PTK2: variants seen among roughly 807,000 people sequenced by gnomAD.
PTK2 encodes the protein focal adhesion kinase 1.
A neutral mutation model predicts 150.1 loss-of-function variants in PTK2; 45 were observed. The observed-to-expected ratio is 0.30, with a 90% confidence interval of 0.24 to 0.38. The LOEUF (loss-of-function observed/expected upper bound fraction) is 0.38. PTK2 is among the 10% of genes least tolerant of loss of function. The pLI is 1.00. For missense variants in PTK2, 919 were observed against 1,307.3 expected (o/e 0.70, Z 4.58); for synonymous variants, 432 against 449.2 (o/e 0.96, Z 0.48).
intron 1 of PTK2, among the ~76,000 whole-genome samples, chr8:140,975,262 C>T (rs917547225): frequency 1.3e-5 from 2 of 152,132 alleles, no homozygotes; most frequent in African/African-American, 4.8e-5. Flanking sequence ...GATCTTGTGC[C>T]TCTAGTCCAG....
At chr8:140,961,093 C>G (rs1040870104) in intron 1 of PTK2, among the ~76,000 whole-genome samples, 1 of 152,156 alleles carries the variant, frequency 6.6e-6, no homozygotes, top group African/African-American at 2.4e-5. Context: ...TTCAAGAAAC[C>G]TGAATTCCAG....
At chr8:140,692,221 T>C (rs1255022484) in intron 26 of PTK2, among the ~76,000 whole-genome samples, 1 of 152,194 alleles carries the variant, frequency 6.6e-6, no homozygotes, top group Non-Finnish European at 1.5e-5. Flanking sequence ...AATAAATACT[T>C]GAGCTTTTTC....
intron 9 of PTK2, 88 bp from the exon 10 acceptor site, chr8:140,818,442 C>G: frequency 8.7e-7 from 1 of 1,151,700 alleles, no homozygotes; most frequent in South Asian, 1.3e-5. Flanking sequence ...GTTAAAGGAC[C>G]AAAGCAGGGG....
intron 2 of PTK2, among the ~76,000 whole-genome samples, chr8:140,896,764 C>A (rs959758887): frequency 4.9e-5 from 7 of 141,666 alleles, no homozygotes; most frequent in Admixed American, 2.1e-4. Flanking sequence ...GTACCATAGA[C>A]GCCCCCCCTT....
chr8:140,942,646 G>A (rs2100176252), intron 1 of PTK2, among the ~76,000 whole-genome samples: 1 of 57,814 alleles, frequency 1.7e-5, no homozygotes, highest in African/African-American at 3.6e-5. Flanking sequence ...GTGTGTGTGT[G>A]CGCGCATATA....
chr8:140,797,108 T>C lies in PTK2; in HGVS notation c.1093+3351A>G, dbSNP rs146707883. Among the ~76,000 whole-genome samples, 651 of 147,460 alleles carry C rather than the reference T, an allele frequency of 4.4e-3. 3 individuals are homozygous for C. The highest frequency in any genetic ancestry group is 0.016 in the African/African-American group (610 of 38,890). Reference sequence around the variant, plus strand: ...GTACTCCTAAACTGTCTTCTGAAAATGTACCAATTTACAATGACACAATCA... The same window carrying C: ...GTACTCCTAAACTGTCTTCTGAAAACGTACCAATTTACAATGACACAATCA... On this transcript the variant is annotated intron_variant, in intron 12 of 31. Coordinates refer to ENST00000522684, the Ensembl canonical transcript of PTK2.
At chr8:140,703,861 A>G (rs1005436595) in intron 24 of PTK2, among the ~76,000 whole-genome samples, 3 of 152,196 alleles carry the variant, frequency 2.0e-5, no homozygotes, top group African/African-American at 7.2e-5. Context: ...CTAGTGTTGT[A>G]TGGTGGGTGT....
intron 2 of PTK2, among the ~76,000 whole-genome samples, chr8:140,909,945 C>A (rs1256540035): frequency 1.3e-5 from 2 of 152,116 alleles, no homozygotes; most frequent in Middle Eastern, 3.4e-3. Flanking sequence ...ATCCAATAAC[C>A]AAATTAGACA....
intron 1 of PTK2, among the ~76,000 whole-genome samples, chr8:140,964,803 T>C (rs767737455): frequency 6.6e-6 from 1 of 152,148 alleles, no homozygotes; most frequent in Non-Finnish European, 1.5e-5. Context: ...TACAGAGATC[T>C]GCTATACATT....
At position 140,764,506 on chromosome 8, in the gene PTK2, C is replaced by G. The variant is rs558620545; in HGVS notation, c.1178-216G>C. On this transcript the variant is annotated intron_variant, in intron 14 of 31. Coordinates refer to ENST00000522684, the Ensembl canonical transcript of PTK2. Reference sequence around the variant, plus strand: ...CGTTATAATACACAGACTTGTTTATCGGAGAGCAAACAGGGCTAACACAGA... The same window carrying G: ...CGTTATAATACACAGACTTGTTTATGGGAGAGCAAACAGGGCTAACACAGA... The G allele has an allele frequency of 1.0e-4, 53 of 531,328 alleles. 1 individual carries two copies. The highest frequency in any genetic ancestry group is 7.3e-4 in the East Asian group (25 of 34,404). 32.9% of individuals were successfully genotyped at this position (531,328 alleles called of 1,614,324 possible).
chr8:140,907,668 C>T (rs1425568487), intron 2 of PTK2, among the ~76,000 whole-genome samples: 1 of 152,204 alleles, frequency 6.6e-6, no homozygotes, highest in Admixed American at 6.5e-5. Flanking sequence ...AAATGTGCTA[C>T]ATTTTGGTAA....
At chr8:140,790,577 T>C (rs1232050592) in intron 13 of PTK2, among the ~76,000 whole-genome samples, 1 of 152,242 alleles carries the variant, frequency 6.6e-6, no homozygotes. Flanking sequence ...GTTTCCAATT[T>C]TGGAGCATTT....
intron 1 of PTK2, among the ~76,000 whole-genome samples, chr8:140,936,134 C>A (rs943498937): frequency 6.6e-6 from 1 of 152,086 alleles, no homozygotes; most frequent in African/African-American, 2.4e-5. Context: ...GCCCTCCAGC[C>A]TGAGCTGGAG....
At chr8:140,859,217 C>T (rs1376814565) in intron 5 of PTK2, among the ~76,000 whole-genome samples, 1 of 152,070 alleles carries the variant, frequency 6.6e-6, no homozygotes, top group African/African-American at 2.4e-5. Flanking sequence ...AACTGGCAAA[C>T]AAAAGCAAGC....
chr8:140,852,852 A>C (rs1243066668), intron 5 of PTK2, among the ~76,000 whole-genome samples: 1 of 152,230 alleles, frequency 6.6e-6, no homozygotes, highest in Admixed American at 6.5e-5. Context: ...AATCCTGTTC[A>C]TTCCCACGAA....
In PTK2 at chr8:140,865,109, T is replaced by C. The variant is rs996327488; in HGVS notation, c.363-710A>G. ...AACTTTTTTGTTTTACTCACTCTGA[T>C]TGGCATACTGTGATAGTGCATGGTG... is the stretch of plus-strand genomic sequence containing the variant. On this transcript the variant is annotated intron_variant, in intron 4 of 31. Transcript: ENST00000522684. Among the ~76,000 whole-genome samples the C allele has an allele frequency of 4.6e-5, 7 of 152,264 alleles. 1 individual carries two copies. The highest frequency in any genetic ancestry group is 1.2e-4 in the African/African-American group (5 of 41,470).
At chr8:140,845,097 G>C (rs1162627339) in intron 7 of PTK2, among the ~76,000 whole-genome samples, 3 of 152,088 alleles carry the variant, frequency 2.0e-5, no homozygotes, top group African/African-American at 7.2e-5. Flanking sequence ...TTCTCACATG[G>C]ACAAGAAAGG....
chr8:140,936,344 C>A (rs1371753707), intron 1 of PTK2, among the ~76,000 whole-genome samples: 8 of 152,092 alleles, frequency 5.3e-5, no homozygotes, highest in Non-Finnish European at 7.4e-5. Flanking sequence ...TCAACGTCAT[C>A]CTAAATTCTC....
At chr8:140,963,172 C>T (rs913833071) in intron 1 of PTK2, among the ~76,000 whole-genome samples, 2 of 152,014 alleles carry the variant, frequency 1.3e-5, no homozygotes, top group African/African-American at 2.4e-5. Context: ...AATATATACC[C>T]TATAACAATG....
Sources: allele counts gnomAD v4.1 joint callset (sites outside exome capture counted in the v4.1 genomes callset), GRCh38; gene constraint gnomAD v4.1.1; transcripts MANE v1.5; gene names NCBI Gene and HGNC (gene_info 2026-07-23, HGNC 2026-07-21).